The following TCF7L1 variants were observed in gnomAD, a reference collection of about 807,000 sequenced individuals.
The protein encoded by TCF7L1 is transcription factor 7-like 1.
TCF7L1 carries 18 observed loss-of-function variants against 63.7 expected under a neutral mutation model. The ratio of observed to expected loss-of-function variants is 0.28; its 90% CI spans 0.20 to 0.42. The LOEUF is 0.42. Among genes scored for constraint, TCF7L1 ranks in the 10% least tolerant of loss-of-function variants. The pLI is 1.00. For missense variants in TCF7L1, 654 were observed against 779.3 expected (o/e 0.84, Z 1.91); for synonymous variants, 355 against 340.9 (o/e 1.04, Z -0.46).
chr2:85,134,231 G>A lies in TCF7L1; in HGVS notation c.314-92G>A. The A allele has an allele frequency of 1.4e-6, 2 of 1,477,106 alleles. No homozygotes were observed. Among genetic ancestry groups the A allele is most frequent in the East Asian group, 2.5e-5 (1 of 39,238 alleles). 91.5% of individuals were successfully genotyped at this position (1,477,106 alleles called of 1,614,324 possible). A position where few individuals can be genotyped will look rare whatever the true frequency, so the allele number is the denominator to read the frequency against. On this transcript the variant is annotated intron_variant, in intron 2 of 11. Transcript: ENST00000282111. The surrounding 1 kb of genome is among the most constrained non-coding windows in gnomAD (Gnocchi z 5.0). Reference sequence around the variant, plus strand: ...CCCCCGTGGGGCGCGCGTGGGGGGCGCTGGGGTCCCCAGCTCCCGCCTCGA... The same window carrying A: ...CCCCCGTGGGGCGCGCGTGGGGGGCACTGGGGTCCCCAGCTCCCGCCTCGA...
intron 3 of TCF7L1, among the ~76,000 whole-genome samples, chr2:85,255,600 T>G (rs920232394): frequency 6.6e-6 from 1 of 152,174 alleles, no homozygotes; most frequent in Non-Finnish European, 1.5e-5. Flanking sequence ...AGGAGAAGCC[T>G]AAACAGGGTG....
In TCF7L1 at chr2:85,252,485, G is replaced by A. The variant is rs142453577; in HGVS notation, c.442-31010G>A. On this transcript the variant is annotated intron_variant, in intron 3 of 11. Transcript: ENST00000282111. ...AAGCCTCGGTGTGACCCAAGCCTCG[G>A]TGTGACCCCTCTGCATGGCCTCTCC... 1.6e-3 allele frequency among the ~76,000 whole-genome samples: 242 copies of A among 152,280 alleles called. 1 individual carries two copies. The highest frequency in any genetic ancestry group is 5.6e-3 in the African/African-American group (234 of 41,536).
chr2:85,179,816 A>G (rs1032774265), intron 3 of TCF7L1, among the ~76,000 whole-genome samples: 1 of 152,250 alleles, frequency 6.6e-6, no homozygotes, highest in Admixed American at 6.5e-5. Flanking sequence ...TGCATAAAAA[A>G]GATTTCTTAC....
Position 85,306,948 on chromosome 2 carries a change from G to C in TCF7L1, c.1257+389G>C, listed in dbSNP as rs1468873415. Among the ~76,000 whole-genome samples, 1 of 152,240 alleles carries C rather than the reference G, an allele frequency of 6.6e-6. No individual in the cohort carries two copies. Among genetic ancestry groups the C allele is most frequent in the Non-Finnish European group, 1.5e-5 (1 of 68,042 alleles). ...CAAAGCGCTGGGATTACAGGCGTGA[G>C]CCACCGCGCCCGGCCAGCGACTGCA... is the stretch of plus-strand genomic sequence containing the variant. On this transcript the variant is annotated intron_variant, in intron 10 of 11. Coordinates refer to ENST00000282111, the MANE Select transcript of TCF7L1 (RefSeq NM_031283.3). This position sits in a 1 kb window ranked among gnomAD's most constrained non-coding sequence, Gnocchi z 4.3.
At chr2:85,273,764 C>T (rs1328539196) in intron 3 of TCF7L1, among the ~76,000 whole-genome samples, 5 of 152,238 alleles carry the variant, frequency 3.3e-5, no homozygotes, top group African/African-American at 9.6e-5. Flanking sequence ...CCCCTTGAGT[C>T]GGTTATGGCA....
chr2:85,290,481 A>AT (rs1681682582), intron 4 of TCF7L1, among the ~76,000 whole-genome samples: 1 of 152,198 alleles, frequency 6.6e-6, no homozygotes, highest in Admixed American at 6.5e-5. Flanking sequence ...CAACCTCCCC[A>AT]TTTTTAAGAT....
chr2:85,266,735 C>A (rs1680984373), intron 3 of TCF7L1, among the ~76,000 whole-genome samples: 1 of 152,194 alleles, frequency 6.6e-6, no homozygotes. Context: ...TACAAGTATT[C>A]TTTTGTTGTG....
chr2:85,246,325 A>G (rs1680462809), intron 3 of TCF7L1, among the ~76,000 whole-genome samples: 1 of 152,230 alleles, frequency 6.6e-6, no homozygotes, highest in African/African-American at 2.4e-5. Context: ...GTCAAAATTG[A>G]CAGGCAAGCT....
intron 3 of TCF7L1, among the ~76,000 whole-genome samples, chr2:85,167,990 G>A (rs1426593496): frequency 6.6e-6 from 1 of 152,168 alleles, no homozygotes; most frequent in Non-Finnish European, 1.5e-5. Flanking sequence ...CCTGTATGTG[G>A]GATCGAAAAT....
chr2:85,212,813 G>A (rs1035081634), intron 3 of TCF7L1, among the ~76,000 whole-genome samples: 2 of 152,122 alleles, frequency 1.3e-5, no homozygotes, highest in African/African-American at 4.8e-5. Flanking sequence ...TCTTCAGGAC[G>A]GTGAGACGAA....
At chr2:85,193,619 G>A (rs1446554253) in intron 3 of TCF7L1, among the ~76,000 whole-genome samples, 4 of 152,156 alleles carry the variant, frequency 2.6e-5, no homozygotes, top group South Asian at 2.1e-4. Context: ...TTCTACCAGC[G>A]GTAGTTTTCT....
intron 3 of TCF7L1, chr2:85,217,151 G>T (rs1558636753): frequency 6.6e-6 from 1 of 152,154 alleles, no homozygotes; most frequent in Non-Finnish European, 1.5e-5. Context: ...AACTGACAGC[G>T]TCAACTTGAA....
intron 4 of TCF7L1, among the ~76,000 whole-genome samples, chr2:85,297,007 G>C (rs1427591771): frequency 6.6e-6 from 1 of 152,120 alleles, no homozygotes; most frequent in East Asian, 1.9e-4. Flanking sequence ...CCTAAAAACA[G>C]TTCAAATTGC....
intron 3 of TCF7L1, among the ~76,000 whole-genome samples, chr2:85,281,532 A>G (rs1416672500): frequency 1.3e-5 from 2 of 152,182 alleles, no homozygotes; most frequent in Non-Finnish European, 2.9e-5. Context: ...CAGTTAATTC[A>G]TGTCGGGTGT....
At chr2:85,170,510 A>G (rs1678522941) in intron 3 of TCF7L1, among the ~76,000 whole-genome samples, 1 of 152,192 alleles carries the variant, frequency 6.6e-6, no homozygotes, top group Non-Finnish European at 1.5e-5. Flanking sequence ...GCCTCCAATT[A>G]TAATCAGTAG....
chr2:85,218,545 C>A (rs903311779), intron 3 of TCF7L1, among the ~76,000 whole-genome samples: 3 of 152,086 alleles, frequency 2.0e-5, no homozygotes, highest in Non-Finnish European at 4.4e-5. Context: ...CGTGAGCTAC[C>A]ACGCCCAGCG....
intron 3 of TCF7L1, among the ~76,000 whole-genome samples, chr2:85,193,356 A>G (rs1679081003): frequency 6.6e-6 from 1 of 152,078 alleles, no homozygotes; most frequent in Non-Finnish European, 1.5e-5. Flanking sequence ...TGGGATACTG[A>G]TCATGCATTT....
intron 3 of TCF7L1, among the ~76,000 whole-genome samples, chr2:85,220,609 C>T (rs1359442382): frequency 6.6e-6 from 1 of 152,044 alleles, no homozygotes. Flanking sequence ...CGTTCTCTAC[C>T]CACCTCAGCC....
Position 85,292,256 on chromosome 2 carries a change from G to A in TCF7L1, c.525+8678G>A, listed in dbSNP as rs542580928. ...GGGATGGTCTCGATCTCCTGACCTC[G>A]TGATCCGCCCGCCTCGGCCTCCCAA... is the stretch of plus-strand genomic sequence containing the variant. On this transcript the variant is annotated intron_variant, in intron 4 of 11. Transcript: ENST00000282111. Among the ~76,000 whole-genome samples, 13 of 12,368 alleles carry A rather than the reference G, an allele frequency of 1.1e-3. 5 individuals carry two copies. The highest frequency in any genetic ancestry group is 1.4e-3 in the Non-Finnish European group (13 of 9,380). 8.1% of individuals were successfully genotyped at this position (12,368 alleles called of 152,430 possible). A position where few individuals can be genotyped will look rare whatever the true frequency, so the allele number is the denominator to read the frequency against.
Sources: gnomAD v4.1 joint callset for allele counts (sites outside exome capture counted in the v4.1 genomes callset) on GRCh38, gnomAD v4.1.1 for gene constraint, Gnocchi (gnomAD v3.1) non-coding constraint, MANE v1.5 for transcripts, NCBI Gene and HGNC (gene_info 2026-07-23, HGNC 2026-07-21) for gene names.